The following TRIM24 variants were observed in gnomAD, a reference collection of about 807,000 sequenced individuals.
TRIM24 encodes the protein tripartite motif containing 24.
A neutral mutation model predicts 123.9 loss-of-function variants in TRIM24; 29 were observed. The observed-to-expected ratio is 0.23, with a 90% CI of 0.17 to 0.32. TRIM24 has a LOEUF of 0.32. Ranked by LOEUF, TRIM24 falls within the 10% of genes least tolerant of loss-of-function variation. The pLI, the probability that TRIM24 is intolerant of heterozygous loss-of-function variation, is 1.00. For synonymous variants in TRIM24, 456 were observed against 461.1 expected, an observed-to-expected ratio of 0.99 and a Z score of 0.14; for missense variants, 932 against 1,295.3, an observed-to-expected ratio of 0.72 and a Z score of 4.31.
chr7:138,501,833 A>G (rs1460469430), intron 1 of TRIM24, among the ~76,000 whole-genome samples: 3 of 151,802 alleles, frequency 2.0e-5, no homozygotes, highest in Non-Finnish European at 2.9e-5. Context: ...GGTTGCAGTG[A>G]GCTGAGATCA....
chr7:138,517,782 C>T (rs942873329), intron 3 of TRIM24, among the ~76,000 whole-genome samples: 1 of 152,024 alleles, frequency 6.6e-6, no homozygotes, highest in Non-Finnish European at 1.5e-5. Context: ...ATGCAAATGG[C>T]TGATTACTGA....
intron 1 of TRIM24, among the ~76,000 whole-genome samples, chr7:138,498,853 T>TC (rs1795971419): frequency 6.6e-6 from 1 of 152,034 alleles, no homozygotes; most frequent in East Asian, 1.9e-4. Context: ...AGGCTGGTCT[T>TC]CAACTCGTGA....
In TRIM24 at chr7:138,589,877, A is replaced by C. The variant is rs965658728; in HGVS notation, c.*4926A>C. On this transcript the variant is annotated 3_prime_UTR_variant, in exon 19 of 19. Coordinates refer to ENST00000343526, the MANE Select transcript of TRIM24 (RefSeq NM_015905.3). ...CTATTGGATATTTAACAGATCTTTC[A>C]TGGGGCCAACCTATTTGCTTCCTTA... 1 of 152,200 alleles carries C rather than the reference A, an allele frequency of 6.6e-6. No homozygotes were observed. 9.4% of individuals were successfully genotyped at this position (152,200 alleles called of 1,614,324 possible). A position where few individuals can be genotyped will look rare whatever the true frequency, so the allele number is the denominator to read the frequency against.
rs1470662733 is a variant in TRIM24, at chr7:138,544,672, C to T, written c.1143+5869C>T. On this transcript the variant is annotated intron_variant, in intron 7 of 18. Transcript: ENST00000343526. ...CCTTTTATCCGCACCCTGGCCAACA[C>T]TTGTCTTCCTTGTCTTTTTGATATT... 3.3e-5 allele frequency among the ~76,000 whole-genome samples: 5 copies of T among 152,340 alleles called. 1 individual carries two copies. In the South Asian group the frequency reaches 1.0e-3, roughly 32 times the overall value.
intron 1 of TRIM24, among the ~76,000 whole-genome samples, chr7:138,462,903 C>T (rs1255838075): frequency 6.6e-6 from 1 of 150,820 alleles, no homozygotes; most frequent in South Asian, 2.1e-4. Context: ...GAGTCTCGCT[C>T]TTCTTGCCCA....
intron 6 of TRIM24, among the ~76,000 whole-genome samples, chr7:138,532,893 C>G (rs1172235449): frequency 5.3e-5 from 8 of 152,118 alleles, no homozygotes; most frequent in Admixed American, 5.2e-4. Context: ...TTTTGTTGAG[C>G]AGTGGTTTGT....
intron 7 of TRIM24, 40 bp from the exon 8 acceptor site, chr7:138,551,023 T>C (rs1393437329): frequency 6.5e-7 from 1 of 1,538,550 alleles, no homozygotes; most frequent in Non-Finnish European, 9.0e-7. Context: ...CTTAATAAAT[T>C]ATTTGCCTAA....
intron 10 of TRIM24, 60 bp from the exon 11 acceptor site, chr7:138,570,770 T>C (rs928346587): frequency 5.8e-6 from 9 of 1,557,286 alleles, no homozygotes; most frequent in East Asian, 2.3e-5. Context: ...AGTGATTACA[T>C]AGATGTTGTA....
At chr7:138,498,713 C>T (rs1795968886) in intron 1 of TRIM24, among the ~76,000 whole-genome samples, 1 of 151,950 alleles carries the variant, frequency 6.6e-6, no homozygotes, top group South Asian at 2.1e-4. Context: ...TCTCAGCTCA[C>T]TGCAACCTCT....
chr7:138,460,404 C>T lies in TRIM24; in HGVS notation c.-145C>T. 1.1e-6 allele frequency: 1 copy of T among 895,662 alleles called. No homozygotes were observed. Among genetic ancestry groups the T allele is most frequent in the South Asian group, 5.2e-5 (1 of 19,312 alleles). 55.5% of individuals were successfully genotyped at this position (895,662 alleles called of 1,614,324 possible). A position where few individuals can be genotyped will look rare whatever the true frequency, so the allele number is the denominator to read the frequency against. ...GTGGGCCTGAGGAGGCTTCCCCCGC[C>T]CGGTTTGCTTTCCCTCCCTCGCTGG... On this transcript the variant is annotated 5_prime_UTR_variant, in exon 1 of 19. Transcript: ENST00000343526.
At chr7:138,578,554 GTGTGTGTGTGCGCGCA>G (rs955751360) in intron 14 of TRIM24, among the ~76,000 whole-genome samples, 1 of 131,072 alleles carries the variant, frequency 7.6e-6, no homozygotes, top group African/African-American at 2.7e-5. Context: ...GTGTGTGTGT[GTGTGTGTGTGCGCGCA>G]CGCACGAATG....
chr7:138,545,244 C>T (rs1446362412), intron 7 of TRIM24, among the ~76,000 whole-genome samples: 1 of 151,978 alleles, frequency 6.6e-6, no homozygotes, highest in Non-Finnish European at 1.5e-5. Context: ...CTCTTCCTGG[C>T]GTGGAGGCAC....
At position 138,554,635 on chromosome 7, in the gene TRIM24, A is replaced by C. The variant is rs1056539524; in HGVS notation, c.1262-63A>C. The stretch of plus-strand genomic sequence containing the variant: ...TGAAGTTCTGCAAAAATAGCTTTAG[A>C]AAATGTGATATTTCACCAACTATCT... On this transcript the variant is annotated intron_variant, in intron 8 of 18. Coordinates refer to ENST00000343526, the MANE Select transcript of TRIM24 (RefSeq NM_015905.3). The surrounding 1 kb of genome is among the most constrained non-coding windows in gnomAD (Gnocchi z 4.5). The C allele has an allele frequency of 4.5e-6, 7 of 1,544,460 alleles. No individual in the cohort carries two copies. The African/African-American group carries it at 6.9e-5, about 15-fold the overall frequency.
chr7:138,533,808 A>T (rs1393414685), intron 6 of TRIM24, among the ~76,000 whole-genome samples: 2 of 152,064 alleles, frequency 1.3e-5, no homozygotes, highest in African/African-American at 4.8e-5. Flanking sequence ...TCCTCCTTGT[A>T]CCTCTGGTAG....
intron 7 of TRIM24, among the ~76,000 whole-genome samples, chr7:138,546,365 T>G (rs922808763): frequency 2.6e-5 from 4 of 152,170 alleles, no homozygotes; most frequent in Non-Finnish European, 5.9e-5. Flanking sequence ...ACTGAGCAAC[T>G]GAAAAATGAG....
At chr7:138,480,397 T>G (rs1332997237) in intron 1 of TRIM24, among the ~76,000 whole-genome samples, 3 of 152,232 alleles carry the variant, frequency 2.0e-5, no homozygotes, top group African/African-American at 7.2e-5. Context: ...TCATTTAACA[T>G]TGAAGGGATC....
intron 5 of TRIM24, among the ~76,000 whole-genome samples, chr7:138,526,813 T>C (rs970816428): frequency 2.6e-5 from 4 of 152,182 alleles, no homozygotes; most frequent in Non-Finnish European, 5.9e-5. Flanking sequence ...AGTAGAATAA[T>C]TGGTGGGTTT....
intron 7 of TRIM24, among the ~76,000 whole-genome samples, chr7:138,546,745 A>T (rs899503151): frequency 1.3e-5 from 2 of 152,220 alleles, no homozygotes; most frequent in Non-Finnish European, 2.9e-5. Context: ...AAAATTATTT[A>T]AAAATAAATG....
chr7:138,576,405 A>G lies in TRIM24; in HGVS notation c.2047A>G (p.Ile683Val), dbSNP rs764501254. 7 of 1,613,712 alleles carry G rather than the reference A, an allele frequency of 4.3e-6. No individual in the cohort carries two copies. The highest frequency in any genetic ancestry group is 1.1e-5 in the South Asian group (1 of 91,066). The change falls in exon 13 of 19, where the codon ATA becomes GTA. Residue 683 changes from isoleucine to valine, a missense_variant. Ile to Val is a conservative substitution (Grantham distance 29). Coordinates refer to ENST00000343526, the MANE Select transcript of TRIM24 (RefSeq NM_015905.3). ...TACTATGACTAGTGTACACCCCCCA[A>G]TACGTTCACCTAGTGCCTCCAGCGT... ...PVTMTSVHPPIRSPSASSVGS... is the reference protein window; with the variant it reads ...PVTMTSVHPPVRSPSASSVGS...
Sources: gnomAD v4.1 joint callset for allele counts (sites outside exome capture counted in the v4.1 genomes callset) on GRCh38, gnomAD v4.1.1 for gene constraint, Gnocchi (gnomAD v3.1) non-coding constraint, MANE v1.5 for transcripts, NCBI Gene and HGNC (gene_info 2026-07-23, HGNC 2026-07-21) for gene names.